The following APBB2 variants were observed in gnomAD, a reference collection of about 807,000 sequenced individuals.
The protein encoded by APBB2 is amyloid beta precursor protein binding family B member 2, also known as Fe65-like 1.
A neutral mutation model predicts 82.5 loss-of-function variants in APBB2; 38 were observed. That is an observed-to-expected ratio of 0.46 (90% CI 0.36 to 0.60). APBB2 has a LOEUF of 0.60. Ranked by LOEUF, APBB2 falls within the 20% of genes least tolerant of loss-of-function variation. The pLI, the probability that APBB2 is intolerant of heterozygous loss-of-function variation, is 0.00. For missense variants in APBB2, 772 were observed against 972.3 expected, an observed-to-expected ratio of 0.79 and a Z score of 2.74; for synonymous variants, 341 against 368.2, an observed-to-expected ratio of 0.93 and a Z score of 0.85.
At chr4:40,886,589 C>T (rs1337073098) in intron 12 of APBB2, among the ~76,000 whole-genome samples, 1 of 152,174 alleles carries the variant, frequency 6.6e-6, no homozygotes, top group Non-Finnish European at 1.5e-5. Flanking sequence ...AAGAAGAACG[C>T]TGAGGCCGGA....
chr4:41,052,730 T>G (rs1726447126), intron 4 of APBB2, among the ~76,000 whole-genome samples: 1 of 152,006 alleles, frequency 6.6e-6, no homozygotes, highest in Non-Finnish European at 1.5e-5. Flanking sequence ...GGTTATACAG[T>G]GTTTCTCGTT....
chr4:41,203,373 T>A (rs60296236), intron 1 of APBB2, among the ~76,000 whole-genome samples: 15,996 of 152,210 alleles, frequency 0.11, 1,268 homozygotes, highest in African/African-American at 0.23. Flanking sequence ...TAGTAGAAAT[T>A]ATCTCAAATC....
At chr4:41,206,139 C>G (rs911545411) in intron 1 of APBB2, among the ~76,000 whole-genome samples, 3 of 152,126 alleles carry the variant, frequency 2.0e-5, no homozygotes, top group African/African-American at 7.2e-5. Context: ...AAGGCCAAAT[C>G]CCGAGTTCCC....
intron 2 of APBB2, among the ~76,000 whole-genome samples, chr4:41,117,162 A>G (rs1408192879): frequency 2.0e-5 from 3 of 152,032 alleles, no homozygotes; most frequent in African/African-American, 7.2e-5. Flanking sequence ...TCTGTCCTGC[A>G]TGGTCTTTAA....
chr4:40,996,582 A>C (rs1323514299), intron 6 of APBB2, among the ~76,000 whole-genome samples: 1 of 152,180 alleles, frequency 6.6e-6, no homozygotes, highest in Non-Finnish European at 1.5e-5. Context: ...TCTAAAATCA[A>C]ACACATCATC....
intron 1 of APBB2, among the ~76,000 whole-genome samples, chr4:41,180,348 T>C (rs1770980287): frequency 6.6e-6 from 1 of 152,168 alleles, no homozygotes; most frequent in Non-Finnish European, 1.5e-5. Flanking sequence ...CTCACGTCAG[T>C]AATCCCAGCC....
At chr4:41,036,383 T>C (rs1469884746) in intron 4 of APBB2, among the ~76,000 whole-genome samples, 1 of 152,196 alleles carries the variant, frequency 6.6e-6, no homozygotes, top group Non-Finnish European at 1.5e-5. Flanking sequence ...CCAACTTCTA[T>C]AAAGTTAAGA....
intron 1 of APBB2, among the ~76,000 whole-genome samples, chr4:41,184,624 T>G (rs1385540421): frequency 6.6e-6 from 1 of 152,218 alleles, no homozygotes; most frequent in African/African-American, 2.4e-5. Context: ...CACCAGGTAC[T>G]TTAAGTACTT....
Position 40,830,216 on chromosome 4 carries a change from A to G in APBB2, c.1644+247T>C, listed in dbSNP as rs545859368. Among the ~76,000 whole-genome samples the G allele has an allele frequency of 8.0e-5, 12 of 150,280 alleles. No homozygotes were observed. In the South Asian group the frequency reaches 2.5e-3, roughly 32 times the overall value. On this transcript the variant is annotated intron_variant, in intron 13 of 17. Coordinates refer to ENST00000508593, the MANE Select transcript of APBB2 (RefSeq NM_004307.2). ...CTTGGCTGAACACACACACACATAT[A>G]TATATATATATGTTTCCAGGCGGCG...
At chr4:40,829,675 A>G (rs1163082116) in intron 13 of APBB2, among the ~76,000 whole-genome samples, 1 of 150,892 alleles carries the variant, frequency 6.6e-6, no homozygotes, top group African/African-American at 2.4e-5. Context: ...GTGGGAGTCC[A>G]TGGGTGTGTA....
At chr4:41,026,876 T>A (rs4323143) in intron 5 of APBB2, among the ~76,000 whole-genome samples, 3 of 151,970 alleles carry the variant, frequency 2.0e-5, no homozygotes, top group East Asian at 3.9e-4. Flanking sequence ...CCTTCTGGTC[T>A]TAAAAGAAAT....
At chr4:41,014,624 C>T (rs547707309) in intron 5 of APBB2, among the ~76,000 whole-genome samples, 39 of 152,254 alleles carry the variant, frequency 2.6e-4, no homozygotes, top group African/African-American at 8.9e-4. Context: ...TATAGAAAAG[C>T]TAAGAAGTCT....
At chr4:41,129,417 C>A (rs1755335102) in intron 2 of APBB2, among the ~76,000 whole-genome samples, 1 of 152,180 alleles carries the variant, frequency 6.6e-6, no homozygotes, top group Non-Finnish European at 1.5e-5. Flanking sequence ...AATGTCATCA[C>A]CTCTCCCCTA....
At chr4:40,967,160 T>TGGCTGTGGAGAGGAGCTACC (rs1272771505) in intron 6 of APBB2, among the ~76,000 whole-genome samples, 1 of 152,168 alleles carries the variant, frequency 6.6e-6, no homozygotes, top group Non-Finnish European at 1.5e-5. Context: ...CAGGATGACC[T>TGGCTGTGGAGAGGAGCTACC]GGCTGTGGAG....
intron 6 of APBB2, among the ~76,000 whole-genome samples, chr4:40,991,299 G>C (rs1009329900): frequency 6.7e-6 from 1 of 150,104 alleles, no homozygotes; most frequent in South Asian, 2.1e-4. Flanking sequence ...TTACAGGTGT[G>C]AGCCACCGTG....
intron 3 of APBB2, among the ~76,000 whole-genome samples, chr4:41,089,960 G>A (rs936683147): frequency 6.6e-6 from 1 of 151,970 alleles, no homozygotes; most frequent in African/African-American, 2.4e-5. Flanking sequence ...TTTATATAAC[G>A]AAACACTAGC....
intron 1 of APBB2, among the ~76,000 whole-genome samples, chr4:41,146,887 G>A (rs1489844504): frequency 1.3e-5 from 2 of 152,224 alleles, no homozygotes; most frequent in Middle Eastern, 3.2e-3. Flanking sequence ...CCGGGCTGAT[G>A]TGATCTGGCT....
At chr4:41,069,443 G>A (rs1242237203) in intron 3 of APBB2, among the ~76,000 whole-genome samples, 6 of 152,212 alleles carry the variant, frequency 3.9e-5, no homozygotes, top group Non-Finnish European at 8.8e-5. Flanking sequence ...CAGCTTTTAT[G>A]TTCCCCAGAC....
At chr4:41,194,645 C>T in intron 1 of APBB2, among the ~76,000 whole-genome samples, 1 of 152,102 alleles carries the variant, frequency 6.6e-6, no homozygotes. Context: ...GCCTTGGTGA[C>T]AGAGCAAGAC....
Sources: gnomAD v4.1 joint callset for allele counts (sites outside exome capture counted in the v4.1 genomes callset) on GRCh38, gnomAD v4.1.1 for gene constraint, MANE v1.5 for transcripts, NCBI Gene and HGNC (gene_info 2026-07-23, HGNC 2026-07-21) for gene names.